The following C1orf174 variants were observed in gnomAD, a reference collection of about 807,000 sequenced individuals.
The protein encoded by C1orf174 is UPF0688 protein C1orf174.
C1orf174 carries 13 observed loss-of-function variants against 18.4 expected under a neutral mutation model. That is an observed-to-expected ratio of 0.71 (90% CI 0.46 to 1.12). The LOEUF (loss-of-function observed/expected upper bound fraction) is 1.12, where lower values mean the gene tolerates loss of function less well. Among genes scored for constraint, C1orf174 ranks in the 50% most tolerant of loss-of-function variants. The pLI, the probability that C1orf174 is intolerant of heterozygous loss-of-function variation, is 0.00. For synonymous variants in C1orf174, 100 were observed against 118.3 expected (o/e 0.85, Z 1.01); for missense variants, 309 against 308.0 (o/e 1.00, Z -0.02).
chr1:3,892,664 G>A (rs1237376594), intron 2 of C1orf174: 17 of 1,382,256 alleles, frequency 1.2e-5, no homozygotes, highest in African/African-American at 1.2e-4. Flanking sequence ...ACACACACAC[G>A]GGTGGGCGGG....
chr1:3,890,669 TG>T lies in C1orf174; in HGVS notation c.517del (p.Gln173ArgfsTer13). 1 of 1,614,172 alleles carries T rather than the reference TG, an allele frequency of 6.2e-7. No homozygotes were observed. Among genetic ancestry groups the T allele is most frequent in the Non-Finnish European group, 8.5e-7 (1 of 1,180,028 alleles). ...NEPGLQTEDV[Q>X]KPPLQMDNSV... Reference sequence around the variant, plus strand: ...GTTGTCCATCTGAAGTGGTGGCTTCTGCACATCCTCTGTCTGTAGCCCTGGC... The same window carrying T: ...GTTGTCCATCTGAAGTGGTGGCTTCTCACATCCTCTGTCTGTAGCCCTGGC... On this transcript the variant is annotated frameshift_variant, in exon 3 of 4. Transcript: ENST00000361605. LOFTEE classifies it high-confidence loss of function.
intron 1 of C1orf174, among the ~76,000 whole-genome samples, 186 bp downstream of exon 1, chr1:3,899,986 C>G (rs901305068): frequency 6.6e-6 from 1 of 151,952 alleles, no homozygotes; most frequent in African/African-American, 2.4e-5. Flanking sequence ...AGGGGCGTGA[C>G]CTGGCAGCCC....
rs1432991848 is a variant in C1orf174, at chr1:3,889,279, A to C, written c.*681T>G. 1 of 152,210 alleles carries C rather than the reference A, an allele frequency of 6.6e-6. No individual in the cohort carries two copies. The highest frequency in any genetic ancestry group is 1.5e-5 in the Non-Finnish European group (1 of 68,040). 9.4% of individuals were successfully genotyped at this position (152,210 alleles called of 1,614,324 possible). A position where few individuals can be genotyped will look rare whatever the true frequency, so the allele number is the denominator to read the frequency against. ...GAATCATCAAATTATGATAATGGAA[A>C]ACAAACTTGCCTATGACCAAAGCTA... On this transcript the variant is annotated 3_prime_UTR_variant, in exon 4 of 4. Coordinates refer to ENST00000361605, the MANE Select transcript of C1orf174 (RefSeq NM_207356.3).
At chr1:3,894,549 G>A (rs547942004) in intron 1 of C1orf174, among the ~76,000 whole-genome samples, 1 of 150,118 alleles carries the variant, frequency 6.7e-6, no homozygotes, top group East Asian at 2.0e-4. Context: ...GGAGCTTGCA[G>A]TGAGCCGAGA....
intron 1 of C1orf174, among the ~76,000 whole-genome samples, chr1:3,894,652 G>A (rs906463824): frequency 2.0e-5 from 3 of 150,394 alleles, no homozygotes; most frequent in African/African-American, 4.9e-5. Flanking sequence ...CATGCACCCC[G>A]TAGCCCAAGA....
intron 1 of C1orf174, among the ~76,000 whole-genome samples, chr1:3,897,895 C>A (rs571959056): frequency 4.3e-4 from 65 of 152,214 alleles, no homozygotes; most frequent in African/African-American, 1.4e-3. Flanking sequence ...AATCTCCTGA[C>A]CTTGTGATCC....
At chr1:3,896,340 C>A (rs555980753) in intron 1 of C1orf174, among the ~76,000 whole-genome samples, 218 of 152,322 alleles carry the variant, frequency 1.4e-3, no homozygotes, top group African/African-American at 5.1e-3. Context: ...AAGACTGGGG[C>A]CCCATCAACC....
rs142463663 is a variant in C1orf174 at position 3,892,826 on chromosome 1, T to A, written c.129+57A>T. On this transcript the variant is annotated intron_variant, in intron 2 of 3. Transcript: ENST00000361605. Reference sequence around the variant, plus strand: ...AACACATCTTGGAGTGGCAATTTTGTATAAAAATGGACCCTCGAGTCAGGA... The same window carrying A: ...AACACATCTTGGAGTGGCAATTTTGAATAAAAATGGACCCTCGAGTCAGGA... 2.7e-4 allele frequency: 434 copies of A among 1,581,952 alleles called. No homozygotes were observed. The African/African-American group carries it at 5.1e-3, about 19-fold the overall frequency.
Position 3,890,080 on chromosome 1 carries a change from G to A in C1orf174, c.619-7C>T. The A allele has an allele frequency of 1.2e-6, 2 of 1,609,634 alleles. No homozygotes were observed. Among genetic ancestry groups the A allele is most frequent in the Non-Finnish European group, 1.7e-6 (2 of 1,175,864 alleles). On this transcript the variant is annotated splice_region_variant and splice_polypyrimidine_tract_variant and intron_variant, in intron 3 of 3. Transcript: ENST00000361605. ...AAGACGCAGGTGGGAGGTCCTTAGT[G>A]GAGAAGAAAACATGACTTCAGTCAT... is the stretch of plus-strand genomic sequence containing the variant.
At chr1:3,893,698 C>T (rs568543583) in intron 1 of C1orf174, among the ~76,000 whole-genome samples, 43 of 152,230 alleles carry the variant, frequency 2.8e-4, no homozygotes, top group Non-Finnish European at 5.4e-4. Context: ...AGTTCAAGAC[C>T]AGCCTGGGCA....
At position 3,890,625 on chromosome 1, in the gene C1orf174, C is replaced by T. The variant is rs370622964; in HGVS notation, c.562G>A (p.Asp188Asn). The T allele has an allele frequency of 4.1e-5, 66 of 1,613,980 alleles. No homozygotes were observed. The highest frequency in any genetic ancestry group is 2.6e-4 in the South Asian group (24 of 91,060). Residue 188 changes from aspartate (D) to asparagine (N), a missense_variant, in exon 3 of 4, where the codon GAC becomes AAC. Asp to Asn is a conservative substitution (Grantham distance 23, BLOSUM62 1). Coordinates refer to ENST00000361605, the MANE Select transcript of C1orf174 (RefSeq NM_207356.3). Reference protein sequence around the residue: ...QMDNSVFLDDDSNQPMPVSRF... With the variant: ...QMDNSVFLDDNSNQPMPVSRF... ...CTCACGGGCATTGGCTGATTGCTGT[C>T]GTCATCTAGAAAGACGCTGTTGTCC...
At chr1:3,900,033 T>C (rs1292813647) in intron 1 of C1orf174, 139 bp downstream of exon 1, 2 of 1,061,000 alleles carry the variant, frequency 1.9e-6, no homozygotes, top group South Asian at 1.8e-5. Context: ...GCCCCCCAAC[T>C]ACTGCCGGGG....
intron 1 of C1orf174, 56 bp downstream of exon 1, chr1:3,900,116 G>C: frequency 6.4e-7 from 1 of 1,556,728 alleles, no homozygotes; most frequent in Non-Finnish European, 8.6e-7. Context: ...CAGACAGCAG[G>C]TGACCCAGAG....
At chr1:3,892,780 C>T in intron 2 of C1orf174, 103 bp downstream of exon 2, 1 of 1,505,448 alleles carries the variant, frequency 6.6e-7, no homozygotes, top group Non-Finnish European at 8.9e-7. Flanking sequence ...AGATAAGTAA[C>T]AGTCGATATT....
intron 1 of C1orf174, among the ~76,000 whole-genome samples, chr1:3,896,677 AG>A (rs1638610737): frequency 6.6e-6 from 1 of 152,272 alleles, no homozygotes; most frequent in Non-Finnish European, 1.5e-5. Context: ...ACCAGTTCGC[AG>A]AAGAGAACCA....
intron 1 of C1orf174, chr1:3,895,546 AGG>A (rs1638591594): frequency 1.8e-5 from 2 of 110,928 alleles, no homozygotes; most frequent in African/African-American, 6.6e-5. Context: ...CAGACACCTG[AGG>A]ATCTGGTGGG....
At chr1:3,897,942 C>T (rs1038617880) in intron 1 of C1orf174, among the ~76,000 whole-genome samples, 1 of 152,098 alleles carries the variant, frequency 6.6e-6, no homozygotes, top group Non-Finnish European at 1.5e-5. Context: ...GGATTACAGG[C>T]GTGAGCCACC....
chr1:3,898,053 A>T (rs1638639108), intron 1 of C1orf174, among the ~76,000 whole-genome samples: 1 of 152,216 alleles, frequency 6.6e-6, no homozygotes, highest in Non-Finnish European at 1.5e-5. Flanking sequence ...CAAAGATCAA[A>T]GGCAAAATCT....
At chr1:3,894,248 G>C (rs747962401) in intron 1 of C1orf174, among the ~76,000 whole-genome samples, 1 of 152,048 alleles carries the variant, frequency 6.6e-6, no homozygotes, top group Non-Finnish European at 1.5e-5. Context: ...CGGATGAAGA[G>C]TGCCCTGCCC....
Sources: allele counts gnomAD v4.1 joint callset (sites outside exome capture counted in the v4.1 genomes callset), GRCh38; gene constraint gnomAD v4.1.1; transcripts MANE v1.5; gene names NCBI Gene and HGNC (gene_info 2026-07-23, HGNC 2026-07-21).